CACNA1A: variants seen among roughly 807,000 people sequenced by gnomAD.
The protein encoded by CACNA1A is calcium voltage-gated channel subunit alpha1 A, also known as voltage-dependent P/Q-type calcium channel subunit alpha-1A.
Under a neutral mutation model 262.4 loss-of-function variants are expected in CACNA1A, and 57 were observed. The ratio of observed to expected loss-of-function variants is 0.22; its 90% CI spans 0.18 to 0.27. CACNA1A has a LOEUF of 0.27. Among genes scored for constraint, CACNA1A ranks in the 10% least tolerant of loss-of-function variants. CACNA1A has a pLI of 1.00. For missense variants in CACNA1A, 2,526 were observed against 3,562.8 expected (o/e 0.71, Z 7.41); for synonymous variants, 1,431 against 1,419.3 (o/e 1.01, Z -0.18).
At chr19:13,233,692 T>C (rs1050945443) in intron 34 of CACNA1A, among the ~76,000 whole-genome samples, 8 of 152,078 alleles carry the variant, frequency 5.3e-5, no homozygotes, top group Non-Finnish European at 8.8e-5. Flanking sequence ...GGTCTCACTA[T>C]GTTGCCCAGG....
At chr19:13,492,790 C>A (rs746975244) in intron 1 of CACNA1A, among the ~76,000 whole-genome samples, 5 of 152,150 alleles carry the variant, frequency 3.3e-5, no homozygotes, top group Non-Finnish European at 7.3e-5. Flanking sequence ...CACCTCCCTG[C>A]CCTCACGTCC....
intron 12 of CACNA1A, among the ~76,000 whole-genome samples, chr19:13,311,471 G>A (rs1413785787): frequency 6.6e-6 from 1 of 152,168 alleles, no homozygotes; most frequent in Non-Finnish European, 1.5e-5. Flanking sequence ...TTGCTTGTTT[G>A]TATGTATTTT....
At chr19:13,385,432 G>T (rs562435190) in intron 3 of CACNA1A, among the ~76,000 whole-genome samples, 1 of 152,032 alleles carries the variant, frequency 6.6e-6, no homozygotes, top group Non-Finnish European at 1.5e-5. Flanking sequence ...GTTTCACCAT[G>T]TTGGTCAGGC....
chr19:13,209,673 C>T (rs2054729949), intron 44 of CACNA1A, among the ~76,000 whole-genome samples, 175 bp from the exon 45 acceptor site: 1 of 152,208 alleles, frequency 6.6e-6, no homozygotes, highest in Non-Finnish European at 1.5e-5. Flanking sequence ...TCAATCAGGG[C>T]TCTGGGTGTG....
At chr19:13,234,799 GAGA>G (rs945728468) in intron 34 of CACNA1A, 119 bp downstream of exon 34, 4 of 711,730 alleles carry the variant, frequency 5.6e-6, no homozygotes, top group East Asian at 2.6e-5. Flanking sequence ...CCTGCCAGAA[GAGA>G]AGGAGGAGGG....
In CACNA1A at chr19:13,255,157, G is replaced by A. The variant is rs1353824164; in HGVS notation, c.4693C>T (p.Pro1565Ser). The A allele has an allele frequency of 2.5e-6, 4 of 1,613,830 alleles. No individual in the cohort carries two copies. The highest frequency in any genetic ancestry group is 3.4e-6 in the Non-Finnish European group (4 of 1,179,868). ...GCCATGATCGTGTACTCGAAAGGCGGAGACACCACGAACTGCCACATGCGG... is the reference window on the plus strand; with the variant it reads ...GCCATGATCGTGTACTCGAAAGGCGAAGACACCACGAACTGCCACATGCGG... ...QYRMWQFVVS[P>S]PFEYTIMAMI... The change falls in exon 29 of 47, where the codon CCG becomes TCG. Residue 1565 changes from proline (P) to serine (S), a missense_variant. Physicochemically the swap from Pro to Ser is moderately conservative, Grantham distance 74 (BLOSUM62 -1). Around this residue, in one of 17 missense-constraint regions of CACNA1A, gnomAD observed 36 missense variants for 47.3 expected, o/e 0.76. Coordinates refer to ENST00000360228, the MANE Select transcript of CACNA1A (RefSeq NM_001127222.2).
chr19:13,371,940 T>TA (rs2059330136), intron 3 of CACNA1A, among the ~76,000 whole-genome samples, 161 bp from the exon 4 acceptor site: 1 of 152,244 alleles, frequency 6.6e-6, no homozygotes, highest in African/African-American at 2.4e-5. Context: ...TAAAATGGTC[T>TA]TAACAGTACC....
rs2058523953 is a variant in CACNA1A at position 13,334,549 on chromosome 19, T to TG, written c.1083-57_1083-56insC. ...CTGTTTTGAAAATGTTAGGAAACGT[T>TG]TGTGTGTGTGTTTGTGTGTGTGTGT... On this transcript the variant is annotated intron_variant, in intron 7 of 46. Coordinates refer to ENST00000360228, the MANE Select transcript of CACNA1A (RefSeq NM_001127222.2). 6.9e-6 allele frequency: 5 copies of TG among 724,708 alleles called. No homozygotes were observed. The African/African-American group carries it at 1.3e-4, about 19-fold the overall frequency. 44.9% of individuals were successfully genotyped at this position (724,708 alleles called of 1,614,324 possible). A position where few individuals can be genotyped will look rare whatever the true frequency, so the allele number is the denominator to read the frequency against.
chr19:13,434,584 A>G (rs1323189589), intron 3 of CACNA1A, among the ~76,000 whole-genome samples: 1 of 151,806 alleles, frequency 6.6e-6, no homozygotes, highest in Non-Finnish European at 1.5e-5. Context: ...GGTGTGTAGC[A>G]TCTCCCCACT....
intron 23 of CACNA1A, 124 bp from the exon 24 acceptor site, chr19:13,276,080 G>C (rs932660232): frequency 4.7e-6 from 3 of 640,800 alleles, no homozygotes; most frequent in Non-Finnish European, 8.3e-6. Context: ...ATCTTGCAGG[G>C]ATGGGCAGTG....
intron 1 of CACNA1A, among the ~76,000 whole-genome samples, chr19:13,483,495 C>T (rs1979618207): frequency 6.6e-6 from 1 of 152,158 alleles, no homozygotes; most frequent in Non-Finnish European, 1.5e-5. Context: ...CCCATTTCCC[C>T]ACAGTGATTG....
chr19:13,251,357 C>T (rs2056391006), intron 30 of CACNA1A, among the ~76,000 whole-genome samples: 1 of 150,536 alleles, frequency 6.6e-6, no homozygotes, highest in South Asian at 2.1e-4. Flanking sequence ...GTGGCAGGCA[C>T]CTGTAGTCCC....
intron 15 of CACNA1A, 22 bp from the exon 16 acceptor site, chr19:13,303,906 C>T: frequency 6.5e-7 from 1 of 1,533,842 alleles, no homozygotes; most frequent in Non-Finnish European, 9.0e-7. Flanking sequence ...GGAAGAAACA[C>T]ACAGCCAACC....
At position 13,235,586 on chromosome 19, in the gene CACNA1A, T is replaced by C. The variant is rs201122861; in HGVS notation, c.5067+28A>G. ...TGAGGGTCACCTGTCTTCTCAGCCC[T>C]GGGCCAGCAGCAGGGACGAGGACTC... On this transcript the variant is annotated intron_variant, in intron 32 of 46. Transcript: ENST00000360228. 51 of 1,498,480 alleles carry C rather than the reference T, an allele frequency of 3.4e-5. No individual in the cohort carries two copies. In the African/African-American group the frequency reaches 6.1e-4, roughly 18 times the overall value. The allele number at this position is 1,498,480 out of a possible 1,614,324, so 92.8% of individuals were successfully genotyped here. A position where few individuals can be genotyped will look rare whatever the true frequency, so the allele number is the denominator to read the frequency against.
intron 1 of CACNA1A, among the ~76,000 whole-genome samples, chr19:13,499,559 G>A (rs1214224057): frequency 1.3e-5 from 2 of 151,902 alleles, no homozygotes; most frequent in Admixed American, 6.6e-5. Flanking sequence ...CGGCTCTGGC[G>A]TTTTGGGGTT....
rs750606542 is a variant in CACNA1A at position 13,286,663 on chromosome 19, T to C, written c.3393A>G (p.Pro1131=). The part of the protein sequence containing the change: ...SRRTPNNPGN[P]SNPGPPKTPE... ...GGGTCTTGGGGGGGCCGGGATTGGA[T>C]GGGTTCCCCGGGTTGTTGGGCGTCC... Residue 1131 remains proline (P), a synonymous_variant, in exon 20 of 47, where the codon CCA becomes CCG. Coordinates refer to ENST00000360228, the MANE Select transcript of CACNA1A (RefSeq NM_001127222.2). 1.9e-6 allele frequency: 3 copies of C among 1,555,566 alleles called. No homozygotes were observed. In the East Asian group the frequency reaches 6.8e-5, roughly 35 times the overall value.
At chr19:13,210,555 G>T (rs558410124) in intron 44 of CACNA1A, 62 bp downstream of exon 44, 28 of 1,448,058 alleles carry the variant, frequency 1.9e-5, no homozygotes, top group South Asian at 1.7e-4. Context: ...CTCCCTGGAG[G>T]GGGGGTGGGG....
Position 13,212,233 on chromosome 19 carries a change from A to G in CACNA1A, c.6190-17T>C, listed in dbSNP as rs763959303. 2.5e-6 allele frequency: 4 copies of G among 1,609,928 alleles called. No individual in the cohort carries two copies. The highest frequency in any genetic ancestry group is 3.4e-6 in the Non-Finnish European group (4 of 1,176,394). ...CTCCACGGACTGCGGAGCAGATGGC[A>G]AAGCCAGATGAGCTCTGGGGCCTGA... is the stretch of plus-strand genomic sequence containing the variant. On this transcript the variant is annotated splice_polypyrimidine_tract_variant and intron_variant, in intron 42 of 46. Coordinates refer to ENST00000360228, the MANE Select transcript of CACNA1A (RefSeq NM_001127222.2). This position sits in a 1 kb window ranked among gnomAD's most constrained non-coding sequence, Gnocchi z 5.6.
chr19:13,359,068 T>C (rs948220032), intron 6 of CACNA1A, among the ~76,000 whole-genome samples: 1 of 152,180 alleles, frequency 6.6e-6, no homozygotes, highest in African/African-American at 2.4e-5. Flanking sequence ...CATATGAGAA[T>C]TGCACGCAAG....
Sources: allele counts gnomAD v4.1 joint callset (sites outside exome capture counted in the v4.1 genomes callset), GRCh38; gene constraint gnomAD v4.1.1; regional missense constraint gnomAD v4.1.1; non-coding constraint Gnocchi (gnomAD v3.1); transcripts MANE v1.5; gene names NCBI Gene and HGNC (gene_info 2026-07-23, HGNC 2026-07-21).